PHC2: variants seen among roughly 807,000 people sequenced by gnomAD.
PHC2 encodes the protein polyhomeotic-like protein 2.
Under a neutral mutation model 87.4 loss-of-function variants are expected in PHC2, and 29 were observed. The observed-to-expected ratio is 0.33, with a 90% CI of 0.25 to 0.45. PHC2 has a LOEUF of 0.45. PHC2 is among the 20% of genes least tolerant of loss of function. The pLI, the probability that PHC2 is intolerant of heterozygous loss-of-function variation, is 1.00. For synonymous variants in PHC2, 438 were observed against 461.7 expected, an observed-to-expected ratio of 0.95 and a Z score of 0.66; for missense variants, 857 against 1,136.7, an observed-to-expected ratio of 0.75 and a Z score of 3.54.
chr1:33,349,170 C>T lies in PHC2; in HGVS notation c.1558+5231G>A. ...TCGTGAGACTGAACTAGATTAAAAA[C>T]AAAACTCTCCAGCGAAGCCGCAGGC... On this transcript the variant is annotated intron_variant, in intron 9 of 14. Transcript: ENST00000683057. The surrounding 1 kb of genome is among the most constrained non-coding windows in gnomAD (Gnocchi z 4.2). 2.0e-6 allele frequency: 2 copies of T among 985,450 alleles called. No individual in the cohort carries two copies. The highest frequency in any genetic ancestry group is 2.4e-6 in the Non-Finnish European group (2 of 829,932). The allele number at this position is 985,450 out of a possible 1,614,324, so 61.0% of individuals were successfully genotyped here. A position where few individuals can be genotyped will look rare whatever the true frequency, so the allele number is the denominator to read the frequency against.
In PHC2 at chr1:33,328,971, A is replaced by G; in HGVS notation, c.2324T>C (p.Met775Thr). 1 of 1,614,120 alleles carries G rather than the reference A, an allele frequency of 6.2e-7. No individual in the cohort carries two copies. Among genetic ancestry groups the G allele is most frequent in the East Asian group, 2.2e-5 (1 of 44,892 alleles). The part of the protein sequence containing the change: ...QGQRDLELPD[M>T]HMRDLVGMGH... ...CATGCCCACCAGGTCCCGCATATGC[A>G]TGTCGGGGAGCTCCAGGTCCCGCTG... The change falls in exon 14 of 15, where the codon ATG becomes ACG. Residue 775 changes from methionine (M) to threonine (T), a missense_variant. Physicochemically the swap from Met to Thr is moderately conservative, Grantham distance 81 (BLOSUM62 -1). This residue lies in a region of PHC2 where 832 missense variants were observed against 1,081.8 expected (regional missense o/e 0.77). Coordinates refer to ENST00000683057, the MANE Select transcript of PHC2 (RefSeq NM_001385109.1).
rs181364430 is a variant in PHC2 at position 33,393,776 on chromosome 1, C to G, written c.-54-18183G>C. On this transcript the variant is annotated intron_variant, in intron 1 of 14. Coordinates refer to ENST00000683057, the MANE Select transcript of PHC2 (RefSeq NM_001385109.1). Reference sequence around the variant, plus strand: ...TGTGTTGTGGGTTACATGGGGACAACGAAGAGATGGATCAGCCCACATCAC... The same window carrying G: ...TGTGTTGTGGGTTACATGGGGACAAGGAAGAGATGGATCAGCCCACATCAC... Among the ~76,000 whole-genome samples the G allele has an allele frequency of 1.6e-4, 3 of 18,764 alleles. No homozygotes were observed. In the East Asian group the frequency reaches 8.0e-3, roughly 50 times the overall value. 12.3% of individuals were successfully genotyped at this position (18,764 alleles called of 152,430 possible).
At chr1:33,325,201 C>A in intron 14 of PHC2, 182 bp from the exon 15 acceptor site, 1 of 608,390 alleles carries the variant, frequency 1.6e-6, no homozygotes, top group Non-Finnish European at 2.8e-6. Context: ...CTGTGCAACT[C>A]ACCCACAGCA....
chr1:33,347,792 G>A (rs1041638598), intron 9 of PHC2: 10 of 939,466 alleles, frequency 1.1e-5, no homozygotes, highest in Non-Finnish European at 1.1e-5. Flanking sequence ...GAAAGGGCAG[G>A]TGCCAAAAGA....
At chr1:33,371,445 G>A (rs993518018) in intron 3 of PHC2, among the ~76,000 whole-genome samples, 21 of 150,956 alleles carry the variant, frequency 1.4e-4, no homozygotes, top group African/African-American at 5.1e-4. Flanking sequence ...CATCACACCT[G>A]GCCACCACCA....
chr1:33,419,830 C>T lies in PHC2; in HGVS notation c.-55+11146G>A, dbSNP rs1435792923. On this transcript the variant is annotated intron_variant, in intron 1 of 14. Transcript: ENST00000683057. Reference sequence around the variant, plus strand: ...TTCACCGTGTTAGCCAGGATGGTCTCGATCTCCTGACCTCGTGATCCACCC... The same window carrying T: ...TTCACCGTGTTAGCCAGGATGGTCTTGATCTCCTGACCTCGTGATCCACCC... 3.3e-5 allele frequency among the ~76,000 whole-genome samples: 5 copies of T among 152,142 alleles called. No individual in the cohort carries two copies. In the Middle Eastern group the frequency reaches 0.014, roughly 414 times the overall value.
chr1:33,411,562 T>G (rs1423324209), intron 1 of PHC2, among the ~76,000 whole-genome samples: 2 of 152,134 alleles, frequency 1.3e-5, no homozygotes, highest in African/African-American at 2.4e-5. Flanking sequence ...TCTTTTAGTT[T>G]TATTTTTTTA....
At chr1:33,375,136 T>C (rs1648094710) in intron 2 of PHC2, among the ~76,000 whole-genome samples, 1 of 152,238 alleles carries the variant, frequency 6.6e-6, no homozygotes. Context: ...TTATTGTTAC[T>C]TGTCTGCCCT....
At chr1:33,376,440 G>A (rs1256885412) in intron 1 of PHC2, among the ~76,000 whole-genome samples, 2 of 152,338 alleles carry the variant, frequency 1.3e-5, no homozygotes, top group Middle Eastern at 3.4e-3. Flanking sequence ...TAAAGCCTAT[G>A]ACCTGTTTAT....
intron 1 of PHC2, among the ~76,000 whole-genome samples, chr1:33,414,619 G>T (rs1486890253): frequency 6.6e-6 from 1 of 152,086 alleles, no homozygotes; most frequent in Non-Finnish European, 1.5e-5. Context: ...ATCACACTCT[G>T]GTCTGCCTTA....
At chr1:33,360,124 G>A (rs1647167091) in intron 7 of PHC2, among the ~76,000 whole-genome samples, 1 of 152,208 alleles carries the variant, frequency 6.6e-6, no homozygotes, top group East Asian at 1.9e-4. Context: ...CTTGGCATGG[G>A]GTCAGGAGGA....
chr1:33,368,698 C>G lies in PHC2; in HGVS notation c.577-76G>C. ...GGTTACCTGGCTGGGCCTGGAATCA[C>G]AGGAAACGAGGCGCCTTTTACCTGC... On this transcript the variant is annotated intron_variant, in intron 5 of 14. Transcript: ENST00000683057. This position sits in a 1 kb window ranked among gnomAD's most constrained non-coding sequence, Gnocchi z 6.6. 1 of 1,121,412 alleles carries G rather than the reference C, an allele frequency of 8.9e-7. No homozygotes were observed. Among genetic ancestry groups the G allele is most frequent in the Non-Finnish European group, 1.3e-6 (1 of 755,160 alleles). The allele number at this position is 1,121,412 out of a possible 1,614,324, so 69.5% of individuals were successfully genotyped here.
chr1:33,346,999 TC>T, intron 9 of PHC2: 1 of 985,402 alleles, frequency 1.0e-6, no homozygotes, highest in Non-Finnish European at 1.2e-6. Context: ...TTGTGTAAGA[TC>T]ATCCATCTAC....
intron 9 of PHC2, among the ~76,000 whole-genome samples, chr1:33,337,931 T>C (rs1646672176): frequency 2.6e-5 from 4 of 152,254 alleles, no homozygotes; most frequent in African/African-American, 9.6e-5. Context: ...AGGTAGAAAG[T>C]ATTAATTCCC....
chr1:33,335,668 G>A (rs1459109434), intron 9 of PHC2, among the ~76,000 whole-genome samples: 2 of 152,194 alleles, frequency 1.3e-5, no homozygotes, highest in East Asian at 1.9e-4. Flanking sequence ...TTGGAAGACC[G>A]AGGCGGGTGG....
At chr1:33,380,645 C>T (rs187921384) in intron 1 of PHC2, among the ~76,000 whole-genome samples, 25 of 152,332 alleles carry the variant, frequency 1.6e-4, no homozygotes, top group African/African-American at 5.1e-4. Context: ...GGAATGAACA[C>T]GGCATATAAG....
chr1:33,390,719 GTATC>G (rs1649011009), intron 1 of PHC2, among the ~76,000 whole-genome samples: 1 of 149,706 alleles, frequency 6.7e-6, no homozygotes, highest in Admixed American at 6.6e-5. Context: ...AAGGGACAGA[GTATC>G]TAGGTTAGGC....
chr1:33,427,647 T>C (rs1401887704), intron 1 of PHC2, among the ~76,000 whole-genome samples: 1 of 152,202 alleles, frequency 6.6e-6, no homozygotes, highest in African/African-American at 2.4e-5. Flanking sequence ...CTAAGTATAA[T>C]GAATGTTTCC....
intron 2 of PHC2, among the ~76,000 whole-genome samples, chr1:33,372,714 G>A (rs932408086): frequency 2.6e-5 from 4 of 152,302 alleles, no homozygotes; most frequent in Middle Eastern, 3.4e-3. Context: ...CAACTGCCTC[G>A]GTGAGGAGAA....
Sources: allele counts gnomAD v4.1 joint callset (sites outside exome capture counted in the v4.1 genomes callset), GRCh38; gene constraint gnomAD v4.1.1; regional missense constraint gnomAD v4.1.1; non-coding constraint Gnocchi (gnomAD v3.1); transcripts MANE v1.5; gene names NCBI Gene and HGNC (gene_info 2026-07-23, HGNC 2026-07-21).